Variants in KIRREL3 observed in about 807,000 individuals in gnomAD.
KIRREL3 encodes kin of IRRE-like protein 3.
A neutral mutation model predicts 89.7 loss-of-function variants in KIRREL3; 36 were observed. The observed-to-expected ratio is 0.40, with a 90% CI of 0.31 to 0.53. The LOEUF is 0.53. Among genes scored for constraint, KIRREL3 ranks in the 20% least tolerant of loss-of-function variants. The pLI, the probability that KIRREL3 is intolerant of heterozygous loss-of-function variation, is 0.49. For missense variants in KIRREL3, 864 were observed against 1,056.6 expected, an observed-to-expected ratio of 0.82 and a Z score of 2.53; for synonymous variants, 445 against 441.4, an observed-to-expected ratio of 1.01 and a Z score of -0.10.
chr11:126,480,296 G>A (rs1287338353), intron 4 of KIRREL3, among the ~76,000 whole-genome samples: 2 of 152,208 alleles, frequency 1.3e-5, no homozygotes, highest in Non-Finnish European at 2.9e-5. Context: ...AAGATACACA[G>A]AGAACATTGT....
At chr11:126,500,720 A>G (rs928221211) in intron 4 of KIRREL3, among the ~76,000 whole-genome samples, 1 of 148,152 alleles carries the variant, frequency 6.7e-6, no homozygotes, top group African/African-American at 2.5e-5. Context: ...AGCCTGGGCA[A>G]CAGAGTGAGA....
At chr11:126,547,167 C>G (rs1480436335) in intron 2 of KIRREL3, among the ~76,000 whole-genome samples, 1 of 152,164 alleles carries the variant, frequency 6.6e-6, no homozygotes, top group Admixed American at 6.5e-5. Flanking sequence ...AGTGGCAGAT[C>G]TGGGCTCTAA....
intron 1 of KIRREL3, among the ~76,000 whole-genome samples, chr11:126,833,857 A>G (rs904393611): frequency 6.6e-6 from 1 of 152,174 alleles, no homozygotes; most frequent in African/African-American, 2.4e-5. Flanking sequence ...TTCAGCCTAT[A>G]TCTGACTCCA....
rs1331048470 is a variant in KIRREL3 at position 126,812,678 on chromosome 11, C to T, written c.55+187777G>A. Among the ~76,000 whole-genome samples, 2 of 152,342 alleles carry T rather than the reference C, an allele frequency of 1.3e-5. No individual in the cohort carries two copies. Among genetic ancestry groups the T allele is most frequent in the Admixed American group, 1.3e-4 (2 of 15,298 alleles). ...CCCTGACTTTGGGCCTTTGTCCATACAGCACCACACTGGGCGTCAGGGTCC... is the reference window on the plus strand; with the variant it reads ...CCCTGACTTTGGGCCTTTGTCCATATAGCACCACACTGGGCGTCAGGGTCC... On this transcript the variant is annotated intron_variant, in intron 1 of 16. Coordinates refer to ENST00000525144, the MANE Select transcript of KIRREL3 (RefSeq NM_032531.4). The surrounding 1 kb of genome is among the most constrained non-coding windows in gnomAD (Gnocchi z 5.2).
intron 1 of KIRREL3, among the ~76,000 whole-genome samples, chr11:126,678,643 G>A (rs1440623014): frequency 1.5e-5 from 2 of 132,756 alleles, no homozygotes; most frequent in African/African-American, 5.7e-5. Context: ...GAGAAGGAAT[G>A]TTCTTCCTGG....
At chr11:126,442,313 A>AACACAC (rs71984147) in intron 10 of KIRREL3, among the ~76,000 whole-genome samples, 89 of 136,602 alleles carry the variant, frequency 6.5e-4, no homozygotes, top group Middle Eastern at 3.7e-3. Context: ...AGACACACAA[A>AACACAC]ACACACACAC....
chr11:126,614,330 T>G lies in KIRREL3; in HGVS notation c.56-51418A>C. 6.6e-6 allele frequency among the ~76,000 whole-genome samples: 1 copy of G among 152,232 alleles called. No individual in the cohort carries two copies. Among genetic ancestry groups the G allele is most frequent in the East Asian group, 1.9e-4 (1 of 5,180 alleles). The stretch of plus-strand genomic sequence containing the variant: ...TCAGAAGCCAGGAGTTCTAATCCTA[T>G]TTTTCCCTCTAAGTAGGTTTGTGAC... On this transcript the variant is annotated intron_variant, in intron 1 of 16. Coordinates refer to ENST00000525144, the MANE Select transcript of KIRREL3 (RefSeq NM_032531.4). The surrounding 1 kb of genome is among the most constrained non-coding windows in gnomAD (Gnocchi z 4.6).
chr11:126,632,667 TTG>T (rs1944081558), intron 1 of KIRREL3, among the ~76,000 whole-genome samples: 1 of 6,330 alleles, frequency 1.6e-4, no homozygotes, highest in South Asian at 5.4e-3. Context: ...TATTATTTTC[TTG>T]CTCATCCTCC....
chr11:126,626,661 G>A (rs140251396), intron 1 of KIRREL3, among the ~76,000 whole-genome samples: 22 of 152,188 alleles, frequency 1.4e-4, no homozygotes, highest in African/African-American at 3.9e-4. Flanking sequence ...CTGCTCCACC[G>A]GTGCCTATCA....
chr11:126,657,248 T>TAAATAAA (rs1565625560), intron 1 of KIRREL3, among the ~76,000 whole-genome samples: 12 of 30,330 alleles, frequency 4.0e-4, no homozygotes, highest in South Asian at 3.6e-3. Flanking sequence ...AAATAAATAA[T>TAAATAAA]TAAATAAATA....
chr11:126,989,028 G>A lies in KIRREL3; in HGVS notation c.55+11427C>T, dbSNP rs1041894879. Among the ~76,000 whole-genome samples, 2 of 152,108 alleles carry A rather than the reference G, an allele frequency of 1.3e-5. No homozygotes were observed. Among genetic ancestry groups the A allele is most frequent in the African/African-American group, 2.4e-5 (1 of 41,410 alleles). On this transcript the variant is annotated intron_variant, in intron 1 of 16. Transcript: ENST00000525144. The surrounding 1 kb of genome is among the most constrained non-coding windows in gnomAD (Gnocchi z 6.2). ...GAAAAAGTGGCCAAATCAAGGGGTC[G>A]GGGGACAGCAGGGCCAAGGTCAAAC...
chr11:126,743,844 G>A lies in KIRREL3; in HGVS notation c.56-180932C>T, dbSNP rs79495382. Reference sequence around the variant, plus strand: ...TGGCAAATACACACAGATTCCTGGGGTTTTAGGAGCTTGTAGGAGTGTGTG... The same window carrying A: ...TGGCAAATACACACAGATTCCTGGGATTTTAGGAGCTTGTAGGAGTGTGTG... On this transcript the variant is annotated intron_variant, in intron 1 of 16. Coordinates refer to ENST00000525144, the MANE Select transcript of KIRREL3 (RefSeq NM_032531.4). Among the ~76,000 whole-genome samples the A allele has an allele frequency of 3.4e-3, 525 of 152,318 alleles. 2 individuals carry two copies. Among genetic ancestry groups the A allele is most frequent in the African/African-American group, 0.011 (468 of 41,582 alleles).
intron 1 of KIRREL3, among the ~76,000 whole-genome samples, chr11:126,836,133 A>G (rs921583984): frequency 1.3e-5 from 2 of 152,220 alleles, no homozygotes; most frequent in Non-Finnish European, 2.9e-5. Flanking sequence ...TTTCCCCACA[A>G]TAAACCTTAA....
chr11:126,771,558 AC>A lies in KIRREL3; in HGVS notation c.56-208647del, dbSNP rs2134299984. Among the ~76,000 whole-genome samples, 1 of 152,312 alleles carries A rather than the reference AC, an allele frequency of 6.6e-6. No homozygotes were observed. The highest frequency in any genetic ancestry group is 2.1e-4 in the South Asian group (1 of 4,826). On this transcript the variant is annotated intron_variant, in intron 1 of 16. Transcript: ENST00000525144. The surrounding 1 kb of genome is among the most constrained non-coding windows in gnomAD (Gnocchi z 4.4). ...AAAAGTAACAGCAAAACCTGCAATTACTTTTGCACCAACCGAAATAGTTTTA... is the reference window on the plus strand; with the variant it reads ...AAAAGTAACAGCAAAACCTGCAATTATTTTGCACCAACCGAAATAGTTTTA...
At chr11:126,982,701 C>T (rs949908926) in intron 1 of KIRREL3, among the ~76,000 whole-genome samples, 17 of 152,168 alleles carry the variant, frequency 1.1e-4, no homozygotes, top group Admixed American at 1.0e-3. Flanking sequence ...AAACACAATG[C>T]TGTAAGCAGA....
chr11:126,697,342 T>A lies in KIRREL3; in HGVS notation c.56-134430A>T, dbSNP rs1179980969. 2.6e-5 allele frequency among the ~76,000 whole-genome samples: 4 copies of A among 152,182 alleles called. No homozygotes were observed. The highest frequency in any genetic ancestry group is 9.7e-5 in the African/African-American group (4 of 41,448). ...CCGGCTCACTGCACAGGGTGGGCAC[T>A]TAGTCCCTGACTTGGACAAGCCACT... On this transcript the variant is annotated intron_variant, in intron 1 of 16. Coordinates refer to ENST00000525144, the MANE Select transcript of KIRREL3 (RefSeq NM_032531.4). The surrounding 1 kb of genome is among the most constrained non-coding windows in gnomAD (Gnocchi z 4.2).
At position 126,553,793 on chromosome 11, in the gene KIRREL3, G is replaced by A. The variant is rs1017032718; in HGVS notation, c.133+9042C>T. 6.6e-6 allele frequency among the ~76,000 whole-genome samples: 1 copy of A among 152,160 alleles called. No individual in the cohort carries two copies. The highest frequency in any genetic ancestry group is 2.4e-5 in the African/African-American group (1 of 41,426). ...CCACTCGGCCAGGCCATTGGTCACT[G>A]CCCATGATTCAGTAAAACCTAAACA... On this transcript the variant is annotated intron_variant, in intron 2 of 16. Transcript: ENST00000525144. The surrounding 1 kb of genome is among the most constrained non-coding windows in gnomAD (Gnocchi z 4.7).
chr11:126,922,949 G>A (rs113478481), intron 1 of KIRREL3, among the ~76,000 whole-genome samples: 7 of 152,190 alleles, frequency 4.6e-5, no homozygotes, highest in African/African-American at 1.4e-4. Context: ...CTGAGTCCCT[G>A]TGACCACCAG....
chr11:126,910,854 T>C (rs995102808), intron 1 of KIRREL3, among the ~76,000 whole-genome samples: 8 of 152,202 alleles, frequency 5.3e-5, no homozygotes, highest in Non-Finnish European at 8.8e-5. Flanking sequence ...CTGCCAGGTA[T>C]CCTTGCTCTC....
Sources: allele counts gnomAD v4.1 joint callset (sites outside exome capture counted in the v4.1 genomes callset), GRCh38; gene constraint gnomAD v4.1.1; non-coding constraint Gnocchi (gnomAD v3.1); transcripts MANE v1.5; gene names NCBI Gene and HGNC (gene_info 2026-07-23, HGNC 2026-07-21).